The following PCCA variants were observed in gnomAD, a reference collection of about 807,000 sequenced individuals.
The protein encoded by PCCA is propionyl-CoA carboxylase alpha chain, mitochondrial.
A neutral mutation model predicts 101.3 loss-of-function variants in PCCA; 74 were observed. The ratio of observed to expected loss-of-function variants is 0.73; its 90% confidence interval spans 0.61 to 0.89. The LOEUF (loss-of-function observed/expected upper bound fraction) is 0.89, where lower values mean the gene tolerates loss of function less well. Among genes scored for constraint, PCCA ranks in the 40% least tolerant of loss-of-function variants. PCCA has a pLI of 0.00. For synonymous variants in PCCA, 294 were observed against 313.6 expected (o/e 0.94, Z 0.66); for missense variants, 891 against 907.0 (o/e 0.98, Z 0.23).
chr13:100,240,054 CT>C (rs900512019), intron 8 of PCCA, among the ~76,000 whole-genome samples: 1 of 152,132 alleles, frequency 6.6e-6, no homozygotes, highest in African/African-American at 2.4e-5. Flanking sequence ...CTACTTTTGT[CT>C]TTTGCAGGGA....
At chr13:100,415,432 G>A (rs781436869) in intron 19 of PCCA, among the ~76,000 whole-genome samples, 1 of 151,986 alleles carries the variant, frequency 6.6e-6, no homozygotes, top group Admixed American at 6.6e-5. Context: ...AATCAGAAAT[G>A]TACAGATCTT....
rs534361898 is a variant in PCCA, at chr13:100,469,211, CA to C, written c.1899+19922del. ...GGGCAACAAGAGTGAAACTCCGTCT[CA>C]AAAAAAAAAAAAAAAGAATCCCTTT... On this transcript the variant is annotated intron_variant, in intron 21 of 23. Coordinates refer to ENST00000376285, the MANE Select transcript of PCCA (RefSeq NM_000282.4). Among the ~76,000 whole-genome samples, 808 of 65,018 alleles carry C rather than the reference CA, an allele frequency of 0.012. 82 individuals are homozygous for C. The East Asian group carries it at 0.25, about 20-fold the overall frequency. 42.7% of individuals were successfully genotyped at this position (65,018 alleles called of 152,430 possible).
chr13:100,249,702 C>T (rs1460299826), intron 8 of PCCA, among the ~76,000 whole-genome samples: 2 of 152,130 alleles, frequency 1.3e-5, no homozygotes, highest in Non-Finnish European at 2.9e-5. Flanking sequence ...ATCTTCCTAT[C>T]CATGTACATT....
At chr13:100,384,928 C>G (rs971893724) in intron 19 of PCCA, among the ~76,000 whole-genome samples, 1 of 151,998 alleles carries the variant, frequency 6.6e-6, no homozygotes, top group Non-Finnish European at 1.5e-5. Flanking sequence ...CAGTACATGA[C>G]AAATGATAGA....
intron 6 of PCCA, among the ~76,000 whole-genome samples, chr13:100,159,084 CTTTTTTTTTT>C (rs11350199): frequency 6.9e-5 from 4 of 58,192 alleles, no homozygotes; most frequent in South Asian, 9.6e-4. Flanking sequence ...AAAATGCTGC[CTTTTTTTTTT>C]TTTTTTTTTT....
At chr13:100,313,113 T>A (rs1001445692) in intron 16 of PCCA, among the ~76,000 whole-genome samples, 1 of 152,204 alleles carries the variant, frequency 6.6e-6, no homozygotes, top group African/African-American at 2.4e-5. Flanking sequence ...CTTTGCCTTT[T>A]CCTCTTCCTT....
At chr13:100,175,662 T>A (rs1341841093) in intron 6 of PCCA, among the ~76,000 whole-genome samples, 2 of 152,198 alleles carry the variant, frequency 1.3e-5, no homozygotes, top group East Asian at 3.8e-4. Context: ...TCAAGAGTTG[T>A]TTCTAAGCCT....
intron 4 of PCCA, among the ~76,000 whole-genome samples, chr13:100,112,708 C>A (rs2048433121): frequency 6.6e-6 from 1 of 151,348 alleles, no homozygotes; most frequent in African/African-American, 2.4e-5. Context: ...TCCGGAGTAG[C>A]TGGGATTACA....
intron 21 of PCCA, 57 bp downstream of exon 21, chr13:100,449,362 G>A: frequency 9.8e-7 from 1 of 1,024,486 alleles, no homozygotes; most frequent in Non-Finnish European, 1.5e-6. Context: ...TGTTCAACTA[G>A]TTGTAGCTCA....
intron 7 of PCCA, among the ~76,000 whole-genome samples, chr13:100,230,539 C>CAA (rs112076583): frequency 0.16 from 19,809 of 121,560 alleles, 1,554 homozygotes; most frequent in African/African-American, 0.2. Context: ...ACTCCCATCT[C>CAA]AAAAAAAAAA....
intron 7 of PCCA, among the ~76,000 whole-genome samples, chr13:100,226,300 T>A (rs80330438): frequency 0.022 from 3,401 of 152,248 alleles, 143 homozygotes; most frequent in African/African-American, 0.077. Context: ...AATTATTATT[T>A]TTTTTTAATA....
intron 19 of PCCA, among the ~76,000 whole-genome samples, chr13:100,423,863 G>A (rs950732159): frequency 5.9e-5 from 9 of 152,224 alleles, no homozygotes; most frequent in Non-Finnish European, 1.0e-4. Flanking sequence ...CTGGCATGGG[G>A]AGAACGTAGA....
intron 19 of PCCA, among the ~76,000 whole-genome samples, chr13:100,412,631 G>A (rs2078124006): frequency 6.6e-6 from 1 of 152,132 alleles, no homozygotes; most frequent in African/African-American, 2.4e-5. Context: ...CTGTACAAGT[G>A]CATGCTTTAT....
At chr13:100,140,979 G>A (rs976863034) in intron 4 of PCCA, among the ~76,000 whole-genome samples, 1 of 152,278 alleles carries the variant, frequency 6.6e-6, no homozygotes, top group South Asian at 2.1e-4. Context: ...GTTACTGGGA[G>A]AGAAAGGAAA....
chr13:100,224,890 G>C (rs182058832), intron 7 of PCCA, among the ~76,000 whole-genome samples: 1 of 152,328 alleles, frequency 6.6e-6, no homozygotes, highest in African/African-American at 2.4e-5. Context: ...CAGATTTGTA[G>C]TATGAGGGGC....
At chr13:100,264,100 C>T (rs1376280727) in intron 10 of PCCA, among the ~76,000 whole-genome samples, 4 of 139,768 alleles carry the variant, frequency 2.9e-5, no homozygotes, top group African/African-American at 1.0e-4. Flanking sequence ...ATCTGTATAT[C>T]GTATATATAC....
chr13:100,289,767 T>G (rs560560094), intron 12 of PCCA, among the ~76,000 whole-genome samples: 1 of 152,320 alleles, frequency 6.6e-6, no homozygotes, highest in South Asian at 2.1e-4. Flanking sequence ...CACTGAAGAT[T>G]TGCTAAGATA....
chr13:100,245,965 C>T (rs2061404571), intron 8 of PCCA, among the ~76,000 whole-genome samples: 1 of 152,202 alleles, frequency 6.6e-6, no homozygotes, highest in South Asian at 2.1e-4. Context: ...TTGATTCTCT[C>T]TCAACAAAGC....
chr13:100,280,769 A>G (rs748565654), intron 12 of PCCA, among the ~76,000 whole-genome samples: 12 of 152,224 alleles, frequency 7.9e-5, no homozygotes, highest in Non-Finnish European at 1.2e-4. Context: ...TAAACAATTC[A>G]TAAGTGTTAG....
Sources: allele counts gnomAD v4.1 joint callset (sites outside exome capture counted in the v4.1 genomes callset), GRCh38; gene constraint gnomAD v4.1.1; transcripts MANE v1.5; gene names NCBI Gene and HGNC (gene_info 2026-07-23, HGNC 2026-07-21).